The following NRXN3 variants were observed in gnomAD, a reference collection of about 807,000 sequenced individuals.
NRXN3 encodes neurexin 3.
Under a neutral mutation model 137.6 loss-of-function variants are expected in NRXN3, and 32 were observed. The ratio of observed to expected loss-of-function variants is 0.23; its 90% CI spans 0.18 to 0.31. NRXN3 has a LOEUF of 0.31. Among genes scored for constraint, NRXN3 ranks in the 10% least tolerant of loss-of-function variants. The pLI is 1.00. For missense variants in NRXN3, 1,574 were observed against 2,062.5 expected, an observed-to-expected ratio of 0.76 and a Z score of 4.59; for synonymous variants, 798 against 784.5, an observed-to-expected ratio of 1.02 and a Z score of -0.29.
At chr14:79,853,689 C>A in intron 20 of NRXN3, 1 of 1,289,626 alleles carries the variant, frequency 7.8e-7, no homozygotes, top group Non-Finnish European at 1.0e-6. Context: ...TCCCATTCTC[C>A]CCCTTTCTTT....
At chr14:78,282,003 C>T in intron 3 of NRXN3, 1 of 403,786 alleles carries the variant, frequency 2.5e-6, no homozygotes, top group South Asian at 1.8e-5. Context: ...GCCACAAGCA[C>T]ATGGGGAGTT....
At chr14:78,427,653 A>G (rs1045958288) in intron 4 of NRXN3, among the ~76,000 whole-genome samples, 3 of 152,226 alleles carry the variant, frequency 2.0e-5, no homozygotes, top group Admixed American at 6.5e-5. Flanking sequence ...TGCTGATGTC[A>G]CAGAGCAGAA....
At chr14:78,403,964 G>A (rs2092303978) in intron 4 of NRXN3, 2 of 842,538 alleles carry the variant, frequency 2.4e-6, no homozygotes, top group South Asian at 5.4e-5. Flanking sequence ...TACATTGGAT[G>A]TATTTTATTG....
At chr14:78,452,176 C>T (rs2094568411) in intron 4 of NRXN3, among the ~76,000 whole-genome samples, 1 of 152,132 alleles carries the variant, frequency 6.6e-6, no homozygotes, top group Admixed American at 6.6e-5. Flanking sequence ...ATTATTATAG[C>T]ATATTGGCCA....
intron 15 of NRXN3, among the ~76,000 whole-genome samples, chr14:79,044,385 A>G (rs1314402605): frequency 1.1e-4 from 17 of 152,206 alleles, no homozygotes; most frequent in Admixed American, 6.5e-5. Context: ...CCAATTAGCT[A>G]TGAAACCTGG....
chr14:79,010,254 A>G (rs2099568773), intron 15 of NRXN3, among the ~76,000 whole-genome samples: 1 of 152,162 alleles, frequency 6.6e-6, no homozygotes, highest in South Asian at 2.1e-4. Context: ...ATCACTGTAG[A>G]TTTTGGTACA....
chr14:78,640,348 T>C (rs2097611032), intron 4 of NRXN3, among the ~76,000 whole-genome samples: 1 of 152,222 alleles, frequency 6.6e-6, no homozygotes, highest in East Asian at 1.9e-4. Flanking sequence ...CTCAGTAAAA[T>C]TATGCAATGG....
At chr14:78,629,972 C>T (rs2097504423) in intron 4 of NRXN3, among the ~76,000 whole-genome samples, 1 of 152,134 alleles carries the variant, frequency 6.6e-6, no homozygotes, top group African/African-American at 2.4e-5. Flanking sequence ...AACTCGATGC[C>T]CTTTATTTGC....
At chr14:79,788,469 T>C (rs1188781257) in intron 19 of NRXN3, among the ~76,000 whole-genome samples, 1 of 152,200 alleles carries the variant, frequency 6.6e-6, no homozygotes, top group Non-Finnish European at 1.5e-5. Context: ...AGTAACACTA[T>C]TAAGAACACA....
At chr14:79,355,758 C>A (rs937726677) in intron 15 of NRXN3, among the ~76,000 whole-genome samples, 4 of 152,170 alleles carry the variant, frequency 2.6e-5, no homozygotes, top group African/African-American at 9.6e-5. Flanking sequence ...GCCCTTTCAT[C>A]TTTTCTGTTC....
At chr14:78,965,930 G>A (rs59747196) in intron 11 of NRXN3, 95 bp from the exon 12 acceptor site, 2 of 1,346,122 alleles carry the variant, frequency 1.5e-6, no homozygotes, top group Non-Finnish European at 2.0e-6. Flanking sequence ...TGAATATTCT[G>A]TGTGGAAACA....
At chr14:79,437,303 G>A (rs2095860291) in intron 15 of NRXN3, among the ~76,000 whole-genome samples, 1 of 151,504 alleles carries the variant, frequency 6.6e-6, no homozygotes, top group Non-Finnish European at 1.5e-5. Flanking sequence ...AAATATCTTT[G>A]TCCCAACTTC....
chr14:79,253,936 T>C (rs77318551), intron 15 of NRXN3, among the ~76,000 whole-genome samples: 187 of 152,346 alleles, frequency 1.2e-3, no homozygotes, highest in African/African-American at 4.1e-3. Context: ...TTTCTTTAAG[T>C]AGAATACATT....
chr14:78,233,696 A>AAAG (rs1482615758), intron 1 of NRXN3, among the ~76,000 whole-genome samples: 1 of 151,340 alleles, frequency 6.6e-6, no homozygotes, highest in Admixed American at 6.6e-5. Flanking sequence ...TTCAAAAAAA[A>AAAG]AAAAAAAAAA....
intron 15 of NRXN3, among the ~76,000 whole-genome samples, chr14:79,238,998 T>C (rs914395488): frequency 6.6e-6 from 1 of 152,120 alleles, no homozygotes; most frequent in African/African-American, 2.4e-5. Flanking sequence ...CCCCCACTTT[T>C]CCATGGGGGA....
At chr14:79,066,098 A>T (rs1028834743) in intron 15 of NRXN3, among the ~76,000 whole-genome samples, 1 of 151,892 alleles carries the variant, frequency 6.6e-6, no homozygotes, top group African/African-American at 2.4e-5. Context: ...TATTGCCTAG[A>T]TTTTCTTCTA....
At chr14:79,211,566 T>C (rs1398239386) in intron 15 of NRXN3, among the ~76,000 whole-genome samples, 3 of 152,156 alleles carry the variant, frequency 2.0e-5, no homozygotes, top group African/African-American at 7.2e-5. Flanking sequence ...AAAAACTGAG[T>C]TCTTTCTCTA....
intron 15 of NRXN3, among the ~76,000 whole-genome samples, chr14:79,127,652 G>C (rs199555204): frequency 6.6e-6 from 1 of 151,984 alleles, no homozygotes; most frequent in African/African-American, 2.4e-5. Flanking sequence ...TTGACTTGGC[G>C]ATGCAGGCTC....
chr14:78,596,585 TGAC>T (rs914497448), intron 4 of NRXN3, among the ~76,000 whole-genome samples: 2 of 152,230 alleles, frequency 1.3e-5, no homozygotes, highest in Non-Finnish European at 2.9e-5. Context: ...ATTCTGCCCC[TGAC>T]AACACCAATT....
Sources: allele counts gnomAD v4.1 joint callset (sites outside exome capture counted in the v4.1 genomes callset), GRCh38; gene constraint gnomAD v4.1.1; transcripts MANE v1.5; gene names NCBI Gene and HGNC (gene_info 2026-07-23, HGNC 2026-07-21).